Variants in TSKS observed in about 807,000 individuals in gnomAD.
The protein encoded by TSKS is testis-specific serine kinase substrate.
In TSKS, 27 loss-of-function variants were observed where a neutral mutation model predicts 68.0. The ratio of observed to expected loss-of-function variants is 0.40; its 90% confidence interval spans 0.29 to 0.55. TSKS has a LOEUF of 0.55. TSKS is among the 20% of genes least tolerant of loss of function. The pLI, the probability that TSKS is intolerant of heterozygous loss-of-function variation, is 0.53. For missense variants in TSKS, 806 were observed against 776.0 expected (o/e 1.04, Z -0.46); for synonymous variants, 331 against 340.4 (o/e 0.97, Z 0.30).
chr19:49,749,084 G>A (rs1439168184), intron 2 of TSKS, among the ~76,000 whole-genome samples: 2 of 152,056 alleles, frequency 1.3e-5, no homozygotes, highest in African/African-American at 4.8e-5. Context: ...AAGTCCTTGG[G>A]GTCCACAGCT....
In TSKS at chr19:49,748,362, G is replaced by A. The variant is rs1400377912; in HGVS notation, c.495+12C>T. On this transcript the variant is annotated intron_variant, in intron 3 of 10. Coordinates refer to ENST00000246801, the MANE Select transcript of TSKS (RefSeq NM_021733.2). ...AGGAAGGGCAGGTGTTGGATATAGGGGGTCCTCACACCTGCAGAGACTGCA... is the reference window on the plus strand; with the variant it reads ...AGGAAGGGCAGGTGTTGGATATAGGAGGTCCTCACACCTGCAGAGACTGCA... 6.2e-7 allele frequency: 1 copy of A among 1,612,656 alleles called. No individual in the cohort carries two copies. The highest frequency in any genetic ancestry group is 1.1e-5 in the South Asian group (1 of 91,008).
chr19:49,757,890 C>CTTTTT (rs745890038), intron 2 of TSKS, among the ~76,000 whole-genome samples: 1 of 130,178 alleles, frequency 7.7e-6, no homozygotes, highest in Non-Finnish European at 1.6e-5. Context: ...TCTCTGTCTT[C>CTTTTT]TTTTTTTTTT....
intron 2 of TSKS, among the ~76,000 whole-genome samples, chr19:49,749,227 G>T (rs146361651): frequency 6.6e-6 from 1 of 152,100 alleles, no homozygotes; most frequent in African/African-American, 2.4e-5. Flanking sequence ...TCACAACTCC[G>T]CCTCTTGAGG....
intron 2 of TSKS, among the ~76,000 whole-genome samples, chr19:49,752,102 G>A (rs2084356224): frequency 6.6e-6 from 1 of 151,218 alleles, no homozygotes; most frequent in Non-Finnish European, 1.5e-5. Context: ...GTAACTCCCA[G>A]GCTGAGCGTG....
chr19:49,739,953 G>A (rs553824504), intron 10 of TSKS, 21 bp from the exon 11 acceptor site: 16 of 1,608,372 alleles, frequency 9.9e-6, no homozygotes, highest in African/African-American at 6.7e-5. Flanking sequence ...GCAGCGGGGA[G>A]TTGATGGCGG....
Position 49,748,082 on chromosome 19 carries a change from C to G in TSKS, c.579+3G>C. 6.2e-7 allele frequency: 1 copy of G among 1,613,914 alleles called. No individual in the cohort carries two copies. Among genetic ancestry groups the G allele is most frequent in the Non-Finnish European group, 8.5e-7 (1 of 1,179,840 alleles). On this transcript the variant is annotated splice_donor_region_variant and intron_variant, in intron 4 of 10. Coordinates refer to ENST00000246801, the MANE Select transcript of TSKS (RefSeq NM_021733.2). ...CATCCATTCCTGCGTCCCACTGGCT[C>G]ACCTTGAGTTGAATGCAGTACCCCT...
chr19:49,746,829 G>A (rs751140362), intron 5 of TSKS, 31 bp from the exon 6 acceptor site: 9 of 1,585,274 alleles, frequency 5.7e-6, no homozygotes. Flanking sequence ...GGGTCACAGC[G>A]TCCAGCCGCT....
chr19:49,759,707 C>T (rs181189703), intron 2 of TSKS, among the ~76,000 whole-genome samples: 1 of 150,668 alleles, frequency 6.6e-6, no homozygotes, highest in Admixed American at 6.6e-5. Context: ...CGGTGGTGTA[C>T]ACCTGCAGTC....
rs56840259 is a variant in TSKS, at chr19:49,757,053, C to G, written c.399+4951G>C. On this transcript the variant is annotated intron_variant, in intron 2 of 10. Transcript: ENST00000246801. ...CCAGCCTAGGTGACAGAGACTCTGT[C>G]TCAAAAAATAAAAAAATAGAATAAA... 5.8e-3 allele frequency among the ~76,000 whole-genome samples: 878 copies of G among 152,174 alleles called. 7 individuals are homozygous for G. Among genetic ancestry groups the G allele is most frequent in the African/African-American group, 0.02 (836 of 41,510 alleles).
At chr19:49,748,575 C>T in intron 2 of TSKS, 106 bp from the exon 3 acceptor site, 1 of 1,059,744 alleles carries the variant, frequency 9.4e-7, no homozygotes, top group East Asian at 2.4e-5. Flanking sequence ...TTGATTTTGC[C>T]CTGGAATGGC....
intron 4 of TSKS, among the ~76,000 whole-genome samples, chr19:49,747,781 T>C (rs2084315120): frequency 6.6e-6 from 1 of 152,206 alleles, no homozygotes; most frequent in Non-Finnish European, 1.5e-5. Flanking sequence ...CAATCTTGGC[T>C]CACTGCAACT....
chr19:49,762,353 C>T (rs2084449770), intron 1 of TSKS, 121 bp from the exon 2 acceptor site: 4 of 662,320 alleles, frequency 6.0e-6, no homozygotes, highest in Non-Finnish European at 1.0e-5. Context: ...TAAGTTTCTC[C>T]CTTCTCTGTC....
At chr19:49,750,213 GT>G (rs1053043318) in intron 2 of TSKS, among the ~76,000 whole-genome samples, 1 of 148,600 alleles carries the variant, frequency 6.7e-6, no homozygotes, top group Admixed American at 6.7e-5. Context: ...GTTATTTTGT[GT>G]TTTTTTGTTA....
At chr19:49,747,339 G>A (rs767155916) in intron 5 of TSKS, 50 bp downstream of exon 5, 37 of 1,613,610 alleles carry the variant, frequency 2.3e-5, no homozygotes, top group East Asian at 1.1e-4. Context: ...TGAGTCCCTC[G>A]TGCATCTGAC....
chr19:49,760,582 G>T (rs867534808), intron 2 of TSKS, among the ~76,000 whole-genome samples: 1 of 149,698 alleles, frequency 6.7e-6, no homozygotes, highest in South Asian at 2.3e-4. Flanking sequence ...TGATCCACCC[G>T]CCTCGGCCTC....
chr19:49,748,717 G>A (rs76742258), intron 2 of TSKS, among the ~76,000 whole-genome samples: 5 of 152,144 alleles, frequency 3.3e-5, no homozygotes, highest in Non-Finnish European at 7.3e-5. Flanking sequence ...GGGGATGGAG[G>A]TGGGGTGCTC....
intron 5 of TSKS, 198 bp downstream of exon 5, chr19:49,747,191 C>T (rs1286599040): frequency 2.6e-6 from 4 of 1,536,590 alleles, no homozygotes; most frequent in Non-Finnish European, 3.5e-6. Context: ...AATGTGACTG[C>T]AGGGCAAGAG....
At position 49,748,767 on chromosome 19, in the gene TSKS, G is replaced by A. The variant is rs182811630; in HGVS notation, c.400-298C>T. Among the ~76,000 whole-genome samples, 19 of 152,234 alleles carry A rather than the reference G, an allele frequency of 1.2e-4. 1 individual carries two copies. The East Asian group carries it at 3.7e-3, about 29-fold the overall frequency. ...AGAAGGATGGACTCAACCAAACACT[G>A]AGCTAAATGTCCTTGGGGGCCAGGT... On this transcript the variant is annotated intron_variant, in intron 2 of 10. Coordinates refer to ENST00000246801, the MANE Select transcript of TSKS (RefSeq NM_021733.2).
At chr19:49,750,482 C>T (rs1043105052) in intron 2 of TSKS, among the ~76,000 whole-genome samples, 2 of 152,066 alleles carry the variant, frequency 1.3e-5, no homozygotes, top group Admixed American at 6.6e-5. Context: ...TGGTCTTGAT[C>T]TCCTGACCTC....
Sources: allele counts gnomAD v4.1 joint callset (sites outside exome capture counted in the v4.1 genomes callset), GRCh38; gene constraint gnomAD v4.1.1; transcripts MANE v1.5; gene names NCBI Gene and HGNC (gene_info 2026-07-23, HGNC 2026-07-21).